The following INTS2 variants were observed in gnomAD, a reference collection of about 807,000 sequenced individuals.
INTS2 encodes the protein integrator complex subunit 2, also known as KIAA1287.
A neutral mutation model predicts 139.6 loss-of-function variants in INTS2; 57 were observed. The ratio of observed to expected loss-of-function variants is 0.41; its 90% CI spans 0.33 to 0.51. The LOEUF (loss-of-function observed/expected upper bound fraction) is 0.51, where lower values mean the gene tolerates loss of function less well. Among genes scored for constraint, INTS2 ranks in the 20% least tolerant of loss-of-function variants. INTS2 has a pLI of 0.28. For missense variants in INTS2, 1,196 were observed against 1,436.7 expected (o/e 0.83, Z 2.71); for synonymous variants, 473 against 493.4 (o/e 0.96, Z 0.55).
intron 9 of INTS2, among the ~76,000 whole-genome samples, chr17:61,899,117 A>G (rs1351288693): frequency 6.6e-6 from 1 of 152,274 alleles, no homozygotes; most frequent in Non-Finnish European, 1.5e-5. Flanking sequence ...GTTATGTAGT[A>G]GAAAGATTAC....
chr17:61,890,238 T>C (rs1368576934), intron 14 of INTS2, among the ~76,000 whole-genome samples: 1 of 152,148 alleles, frequency 6.6e-6, no homozygotes, highest in Non-Finnish European at 1.5e-5. Flanking sequence ...AATAAGACAT[T>C]GTATACTTAA....
At chr17:61,919,723 G>C (rs955422454) in intron 4 of INTS2, among the ~76,000 whole-genome samples, 4 of 151,974 alleles carry the variant, frequency 2.6e-5, no homozygotes, top group African/African-American at 4.8e-5. Context: ...GTGTTAAAGA[G>C]TGATATTTCT....
chr17:61,909,330 C>G lies in INTS2; in HGVS notation c.955-1696G>C, dbSNP rs2079498990. ...TTCACCATGTTGGCCAGGATGGTCT[C>G]CCTCTCTTGACCTTGTGATCCGCCC... On this transcript the variant is annotated intron_variant, in intron 7 of 24. Coordinates refer to ENST00000251334, the MANE Select transcript of INTS2 (RefSeq NM_001351695.2). This position sits in a 1 kb window ranked among gnomAD's most constrained non-coding sequence, Gnocchi z 4.9. 6.6e-6 allele frequency among the ~76,000 whole-genome samples: 1 copy of G among 152,044 alleles called. No individual in the cohort carries two copies. The highest frequency in any genetic ancestry group is 2.1e-4 in the South Asian group (1 of 4,826).
At chr17:61,892,018 C>A (rs952077625) in intron 13 of INTS2, among the ~76,000 whole-genome samples, 1 of 151,930 alleles carries the variant, frequency 6.6e-6, no homozygotes, top group Non-Finnish European at 1.5e-5. Context: ...GGAGAGCTCA[C>A]GTTAGATAGG....
At position 61,893,615 on chromosome 17, in the gene INTS2, A is replaced by C. The variant is rs1306943031; in HGVS notation, c.1698+150T>G. The C allele has an allele frequency of 1.2e-5, 5 of 418,316 alleles. No individual in the cohort carries two copies. The highest frequency in any genetic ancestry group is 1.9e-5 in the Non-Finnish European group (5 of 259,590). The allele number at this position is 418,316 out of a possible 1,614,324, so 25.9% of individuals were successfully genotyped here. On this transcript the variant is annotated intron_variant, in intron 13 of 24. Coordinates refer to ENST00000251334, the MANE Select transcript of INTS2 (RefSeq NM_001351695.2). This position sits in a 1 kb window ranked among gnomAD's most constrained non-coding sequence, Gnocchi z 5.4. Reference sequence around the variant, plus strand: ...GAGGTTGAGGCAGGAGAATCACTTTAACCCAGGAGGCAGAGGTTACAGTGA... The same window carrying C: ...GAGGTTGAGGCAGGAGAATCACTTTCACCCAGGAGGCAGAGGTTACAGTGA...
intron 8 of INTS2, 51 bp from the exon 9 acceptor site, chr17:61,904,636 G>A: frequency 1.4e-6 from 2 of 1,459,468 alleles, no homozygotes; most frequent in Non-Finnish European, 1.8e-6. Flanking sequence ...GGATGAAGAA[G>A]AAAAAGTGAA....
chr17:61,889,944 C>T (rs1567898894), intron 14 of INTS2, 50 bp from the exon 15 acceptor site: 1 of 1,024,842 alleles, frequency 9.8e-7, no homozygotes, highest in Non-Finnish European at 1.4e-6. Flanking sequence ...TTCACGAGTG[C>T]TTTTTTTTTT....
intron 3 of INTS2, among the ~76,000 whole-genome samples, chr17:61,922,954 G>A (rs2079662924): frequency 6.6e-6 from 1 of 151,490 alleles, no homozygotes; most frequent in Non-Finnish European, 1.5e-5. Context: ...GCGGGTGCCT[G>A]TAATTCTAGC....
chr17:61,899,179 T>C lies in INTS2; in HGVS notation c.1308-1440A>G, dbSNP rs75939435. Reference sequence around the variant, plus strand: ...TGAGAATCCCATCTCTGCTAATTACTGGTAGTGTGATCTTGAAGAAGAAAC... The same window carrying C: ...TGAGAATCCCATCTCTGCTAATTACCGGTAGTGTGATCTTGAAGAAGAAAC... On this transcript the variant is annotated intron_variant, in intron 9 of 24. Coordinates refer to ENST00000251334, the MANE Select transcript of INTS2 (RefSeq NM_001351695.2). 1.2e-3 allele frequency among the ~76,000 whole-genome samples: 189 copies of C among 152,358 alleles called. No homozygotes were observed. The East Asian group carries it at 0.032, about 26-fold the overall frequency.
chr17:61,885,015 A>T lies in INTS2; in HGVS notation c.1985-10T>A. On this transcript the variant is annotated splice_polypyrimidine_tract_variant and intron_variant, in intron 15 of 24. Coordinates refer to ENST00000251334, the MANE Select transcript of INTS2 (RefSeq NM_001351695.2). ...TTTCTTTGCATGGCAGCTATCAAAG[A>T]TAAAAAGTGTAAAATAAATAAAATG... 3.3e-6 allele frequency: 5 copies of T among 1,523,830 alleles called. No homozygotes were observed. Among genetic ancestry groups the T allele is most frequent in the Non-Finnish European group, 3.6e-6 (4 of 1,113,298 alleles). The allele number at this position is 1,523,830 out of a possible 1,614,324, so 94.4% of individuals were successfully genotyped here. A position where few individuals can be genotyped will look rare whatever the true frequency, so the allele number is the denominator to read the frequency against.
rs754096864 is a variant in INTS2 at position 61,897,509 on chromosome 17, C to G, written c.1454G>C (p.Ser485Thr). The change falls in exon 11 of 25, where the codon AGT (serine) becomes ACT (threonine). Residue 485 changes from serine to threonine, a missense_variant. Around this residue, in one of 3 missense-constraint regions of INTS2, gnomAD observed 1,129 missense variants for 1,341.9 expected, o/e 0.84. Coordinates refer to ENST00000251334, the MANE Select transcript of INTS2 (RefSeq NM_001351695.2). The surrounding 1 kb of genome is among the most constrained non-coding windows in gnomAD (Gnocchi z 4.4). Reference sequence around the variant, plus strand: ...GGAACAGACCAAGTCAATGATAGCACTAAGCTGGTTGCTGTGAAAGTACAT... The same window carrying G: ...GGAACAGACCAAGTCAATGATAGCAGTAAGCTGGTTGCTGTGAAAGTACAT... ...VAMYFHSNQL[S>T]AIIDLVCSTL... 6.2e-7 allele frequency: 1 copy of G among 1,602,552 alleles called. No individual in the cohort carries two copies. The highest frequency in any genetic ancestry group is 8.5e-7 in the Non-Finnish European group (1 of 1,174,540).
At chr17:61,922,467 CAAAAAAA>C (rs59644145) in intron 3 of INTS2, among the ~76,000 whole-genome samples, 2 of 42,046 alleles carry the variant, frequency 4.8e-5, no homozygotes, top group Admixed American at 3.0e-4. Flanking sequence ...GACTCCGTCT[CAAAAAAA>C]AAAAAAAAAA....
Position 61,869,379 on chromosome 17 carries a change from C to A in INTS2, c.3032G>T (p.Gly1011Val), listed in dbSNP as rs2145897784. 3 of 1,585,452 alleles carry A rather than the reference C, an allele frequency of 1.9e-6. No individual in the cohort carries two copies. Among genetic ancestry groups the A allele is most frequent in the South Asian group, 1.1e-5 (1 of 87,650 alleles). The change falls in exon 22 of 25, where the codon GGT (glycine) becomes GTT (valine). Residue 1011 changes from glycine to valine, a missense_variant and splice_region_variant. By Grantham distance (109) the Gly-to-Val change is moderately radical. Transcript: ENST00000251334. The surrounding 1 kb of genome is among the most constrained non-coding windows in gnomAD (Gnocchi z 5.4). Reference sequence around the variant, plus strand: ...CAGAGGCAAAAGTTCACATGGATAACCCTATCTCAACAAGAAACGGGAAAA... The same window carrying A: ...CAGAGGCAAAAGTTCACATGGATAAACCTATCTCAACAAGAAACGGGAAAA... The part of the protein sequence containing the change: ...PNIAKLVHFQ[G>V]YPCELLPLTV...
Position 61,897,031 on chromosome 17 carries a change from T to C in INTS2, c.1494+438A>G, listed in dbSNP as rs1460006906. Among the ~76,000 whole-genome samples the C allele has an allele frequency of 6.6e-6, 1 of 152,012 alleles. No individual in the cohort carries two copies. Among genetic ancestry groups the C allele is most frequent in the Non-Finnish European group, 1.5e-5 (1 of 67,964 alleles). ...TTATACAGAAACTAGAAAATCTACA[T>C]GGGAAATAATAAGGGACCTATTAAG... On this transcript the variant is annotated intron_variant, in intron 11 of 24. Transcript: ENST00000251334. This position sits in a 1 kb window ranked among gnomAD's most constrained non-coding sequence, Gnocchi z 4.4.
chr17:61,912,218 A>C (rs984601485), intron 5 of INTS2, 148 bp from the exon 6 acceptor site: 1 of 768,872 alleles, frequency 1.3e-6, no homozygotes, highest in African/African-American at 1.7e-5. Flanking sequence ...GACTTAAAAA[A>C]GAATAGTAAA....
chr17:61,910,978 T>C (rs544248670), intron 7 of INTS2: 1 of 152,666 alleles, frequency 6.6e-6, no homozygotes, highest in Admixed American at 6.5e-5. Context: ...AAAAATACAA[T>C]AAAATAAAAC....
At position 61,867,900 on chromosome 17, in the gene INTS2, G is replaced by C. The variant is rs1353686790; in HGVS notation, c.3354C>G (p.Ile1118Met). Reference sequence around the variant, plus strand: ...CAGAGGCACAAACTTGCCCTATTTGGATCAGCAAAGACATAATATCCTCAT... The same window carrying C: ...CAGAGGCACAAACTTGCCCTATTTGCATCAGCAAAGACATAATATCCTCAT... ...PLYEDIMSLL[I>M]QIGQVCASDV... is the part of the protein sequence containing the mutation. The change falls in exon 24 of 25, where the codon ATC becomes ATG. Residue 1118 changes from isoleucine to methionine, a missense_variant. By Grantham distance (10) the Ile-to-Met change is conservative. This residue lies in a region of INTS2 where 1,129 missense variants were observed against 1,341.9 expected (regional missense o/e 0.84). Transcript: ENST00000251334. This position sits in a 1 kb window ranked among gnomAD's most constrained non-coding sequence, Gnocchi z 5.6. 6.2e-7 allele frequency: 1 copy of C among 1,612,050 alleles called. No homozygotes were observed. The highest frequency in any genetic ancestry group is 8.5e-7 in the Non-Finnish European group (1 of 1,179,294).
chr17:61,891,091 C>T (rs2378946), intron 14 of INTS2, among the ~76,000 whole-genome samples: 9,998 of 150,424 alleles, frequency 0.066, 581 homozygotes, highest in South Asian at 0.3. Context: ...GTCAGGAGTT[C>T]GAGATCAGCC....
At chr17:61,883,259 T>C (rs1481711815) in intron 16 of INTS2, among the ~76,000 whole-genome samples, 1 of 151,934 alleles carries the variant, frequency 6.6e-6, no homozygotes. Context: ...ACGCCTGTAA[T>C]ACTAACACTT....
Sources: gnomAD v4.1 joint callset for allele counts (sites outside exome capture counted in the v4.1 genomes callset) on GRCh38, gnomAD v4.1.1 for gene constraint, gnomAD v4.1.1 regional missense constraint, Gnocchi (gnomAD v3.1) non-coding constraint, MANE v1.5 for transcripts, NCBI Gene and HGNC (gene_info 2026-07-23, HGNC 2026-07-21) for gene names.